Variants in ARL5C observed in about 807,000 individuals in gnomAD.
ARL5C encodes putative ADP-ribosylation factor-like protein 5C.
In ARL5C, 21 loss-of-function variants were observed where a neutral mutation model predicts 20.8. The observed-to-expected ratio is 1.01, with a 90% CI of 0.72 to 1.46. The LOEUF is 1.46. ARL5C is among the 40% of genes most tolerant of loss of function. The pLI, the probability that ARL5C is intolerant of heterozygous loss-of-function variation, is 0.00. For missense variants in ARL5C, 199 were observed against 225.1 expected, an observed-to-expected ratio of 0.88 and a Z score of 0.74; for synonymous variants, 71 against 81.6, an observed-to-expected ratio of 0.87 and a Z score of 0.70.
At chr17:39,165,536 GC>G in intron 1 of ARL5C, 178 bp downstream of exon 1, 3 of 719,876 alleles carry the variant, frequency 4.2e-6, no homozygotes, top group Non-Finnish European at 6.7e-6. Context: ...GCACCGAAGC[GC>G]CGGGACCCAA....
intron 2 of ARL5C, among the ~76,000 whole-genome samples, chr17:39,163,382 C>CTTTCTTTCTT (rs1555576150): frequency 1.4e-5 from 2 of 142,530 alleles, no homozygotes; most frequent in African/African-American, 2.5e-5. Context: ...TTCTTTCTTT[C>CTTTCTTTCTT]TTTCTTTCTT....
intron 5 of ARL5C, among the ~76,000 whole-genome samples, chr17:39,159,348 G>A (rs1262935638): frequency 1.3e-5 from 2 of 148,588 alleles, no homozygotes; most frequent in Non-Finnish European, 1.5e-5. Context: ...CCAGGCTGGA[G>A]TGCAATGGTA....
Position 39,166,114 on chromosome 17 carries a change from G to A in ARL5C, c.-354C>T. 3.3e-6 allele frequency: 1 copy of A among 303,382 alleles called. No individual in the cohort carries two copies. Among genetic ancestry groups the A allele is most frequent in the Non-Finnish European group, 6.4e-6 (1 of 157,472 alleles). 18.8% of individuals were successfully genotyped at this position (303,382 alleles called of 1,614,324 possible). ...GAGACTCAGCACTGCGCGCGGAACCGGATCCCAGCTCTCCCTCCTCTGAGT... is the reference window on the plus strand; with the variant it reads ...GAGACTCAGCACTGCGCGCGGAACCAGATCCCAGCTCTCCCTCCTCTGAGT... On this transcript the variant is annotated 5_prime_UTR_variant, in exon 1 of 6. Coordinates refer to ENST00000269586, the MANE Select transcript of ARL5C (RefSeq NM_001143968.1).
At chr17:39,158,607 C>T (rs2045418276) in intron 5 of ARL5C, among the ~76,000 whole-genome samples, 1 of 140,002 alleles carries the variant, frequency 7.1e-6, no homozygotes. Flanking sequence ...CAGAGGGAGA[C>T]CCTGCCTCAA....
At position 39,162,861 on chromosome 17, in the gene ARL5C, G is replaced by T; in HGVS notation, c.108-3C>A. On this transcript the variant is annotated splice_region_variant and splice_polypyrimidine_tract_variant and intron_variant, in intron 2 of 5. Transcript: ENST00000269586. ...TATGGACCACCTCATTGGTCAAGCT[G>T]GGGAGGTAGGAGTGGGCACCAAGAG... The T allele has an allele frequency of 1.3e-6, 2 of 1,549,792 alleles. No individual in the cohort carries two copies. Among genetic ancestry groups the T allele is most frequent in the Non-Finnish European group, 1.7e-6 (2 of 1,146,746 alleles).
chr17:39,165,705 C>G lies in ARL5C; in HGVS notation c.46+10G>C. ...AAAGCGCTCGCTTGGATGCCCTGTGCGCCCCTTACCCTGGTTCCCGAAGAT... is the reference window on the plus strand; with the variant it reads ...AAAGCGCTCGCTTGGATGCCCTGTGGGCCCCTTACCCTGGTTCCCGAAGAT... On this transcript the variant is annotated intron_variant, in intron 1 of 5. Coordinates refer to ENST00000269586, the MANE Select transcript of ARL5C (RefSeq NM_001143968.1). The G allele has an allele frequency of 6.4e-7, 1 of 1,551,810 alleles. No individual in the cohort carries two copies. Among genetic ancestry groups the G allele is most frequent in the South Asian group, 1.2e-5 (1 of 84,056 alleles).
At chr17:39,164,951 G>T in intron 2 of ARL5C, 128 bp downstream of exon 2, 1 of 897,260 alleles carries the variant, frequency 1.1e-6, no homozygotes. Context: ...CAAGCAGCGT[G>T]CCCAATCGCT....
chr17:39,157,074 G>A, intron 5 of ARL5C, 132 bp from the exon 6 acceptor site: 1 of 996,990 alleles, frequency 1.0e-6, no homozygotes, highest in Non-Finnish European at 1.5e-6. Flanking sequence ...TAACAGAGAT[G>A]AACTGGCTTG....
At chr17:39,159,019 CTTGTTTTTTTTTT>C (rs2045420661) in intron 5 of ARL5C, among the ~76,000 whole-genome samples, 1 of 63,960 alleles carries the variant, frequency 1.6e-5, no homozygotes, top group African/African-American at 5.6e-5. Context: ...TCATTTATCA[CTTGTTTTTTTTTT>C]TTTTTTTTTT....
intron 1 of ARL5C, 117 bp downstream of exon 1, chr17:39,165,598 C>T: frequency 7.7e-7 from 1 of 1,296,868 alleles, no homozygotes; most frequent in Non-Finnish European, 1.1e-6. Flanking sequence ...AGTCGAGGAG[C>T]GCCCATATAC....
intron 5 of ARL5C, among the ~76,000 whole-genome samples, chr17:39,158,077 A>G (rs2045415244): frequency 6.8e-6 from 1 of 146,860 alleles, no homozygotes; most frequent in Non-Finnish European, 1.5e-5. Context: ...CAGCCTGGGC[A>G]ACAGAGCAAG....
At chr17:39,159,401 C>A (rs1477152009) in intron 5 of ARL5C, among the ~76,000 whole-genome samples, 1 of 150,766 alleles carries the variant, frequency 6.6e-6, no homozygotes, top group Non-Finnish European at 1.5e-5. Flanking sequence ...GGTTCAAGCG[C>A]TTCTCCTGCC....
intron 5 of ARL5C, among the ~76,000 whole-genome samples, 196 bp from the exon 6 acceptor site, chr17:39,157,138 T>C (rs1167520273): frequency 1.3e-5 from 2 of 152,194 alleles, no homozygotes; most frequent in African/African-American, 4.8e-5. Context: ...CTGGTGAAAA[T>C]GCAGACATGC....
In ARL5C at chr17:39,165,813, AGTCG is replaced by A; in HGVS notation, c.-57_-54del. 2.6e-6 allele frequency: 4 copies of A among 1,547,724 alleles called. No individual in the cohort carries two copies. The East Asian group carries it at 9.8e-5, about 38-fold the overall frequency. On this transcript the variant is annotated 5_prime_UTR_variant, in exon 1 of 6. Coordinates refer to ENST00000269586, the MANE Select transcript of ARL5C (RefSeq NM_001143968.1). ...GAGGGCTCAGCGGCCTCAGGAGCGG[AGTCG>A]GCCCTGGTATTCGGAGCTCCGCTCC...
chr17:39,165,775 C>T lies in ARL5C; in HGVS notation c.-15G>A, dbSNP rs1048239354. 1.1e-4 allele frequency: 170 copies of T among 1,551,684 alleles called. 1 individual carries two copies. In the East Asian group the frequency reaches 2.9e-3, roughly 26 times the overall value. On this transcript the variant is annotated 5_prime_UTR_variant, in exon 1 of 6. Coordinates refer to ENST00000269586, the MANE Select transcript of ARL5C (RefSeq NM_001143968.1). ...AGCTGTCCCATGGCACTTCCCGGGC[C>T]GGACAGGTGCAGGAGGGCTCAGCGG...
At chr17:39,157,789 CA>C (rs35290590) in intron 5 of ARL5C, among the ~76,000 whole-genome samples, 9,082 of 109,958 alleles carry the variant, frequency 0.083, 405 homozygotes, top group African/African-American at 0.17. Flanking sequence ...AAACTCCACT[CA>C]AAAAAAAAAA....
At chr17:39,165,285 G>T (rs520054) in intron 1 of ARL5C, 146 bp from the exon 2 acceptor site, 2 of 732,986 alleles carry the variant, frequency 2.7e-6, no homozygotes, top group Non-Finnish European at 4.6e-6. Flanking sequence ...TTCCCACCCA[G>T]CTCCGACACC....
intron 2 of ARL5C, among the ~76,000 whole-genome samples, chr17:39,163,394 C>CTTTCTTTCTTTCTTTCTTTCTTTCTT (rs778704422): frequency 6.8e-6 from 1 of 147,514 alleles, no homozygotes. Context: ...TTCTTTCTTT[C>CTTTCTTTCTTTCTTTCTTTCTTTCTT]TCTCTTTCTT....
intron 5 of ARL5C, among the ~76,000 whole-genome samples, chr17:39,158,122 AGGGAGGGAGGAAGGAAG>A (rs1567779732): frequency 1.7e-4 from 15 of 89,638 alleles, no homozygotes; most frequent in Admixed American, 1.1e-3. Flanking sequence ...GGAGGGAGGG[AGGGAGGGAGGAAGGAAG>A]GAAGGAAGGA....
Sources: allele counts gnomAD v4.1 joint callset (sites outside exome capture counted in the v4.1 genomes callset), GRCh38; gene constraint gnomAD v4.1.1; transcripts MANE v1.5; gene names NCBI Gene and HGNC (gene_info 2026-07-23, HGNC 2026-07-21).